Variants in NFYC observed in about 807,000 individuals in gnomAD.
NFYC encodes nuclear transcription factor Y subunit gamma, also known as CAAT box DNA-binding protein subunit C.
A neutral mutation model predicts 53.1 loss-of-function variants in NFYC; 25 were observed. The ratio of observed to expected loss-of-function variants is 0.47; its 90% confidence interval spans 0.34 to 0.66. The LOEUF (loss-of-function observed/expected upper bound fraction) is 0.66, where lower values mean the gene tolerates loss of function less well. NFYC is among the 30% of genes least tolerant of loss of function. The pLI, the probability that NFYC is intolerant of heterozygous loss-of-function variation, is 0.01. For missense variants in NFYC, 260 were observed against 422.7 expected (o/e 0.62, Z 3.38); for synonymous variants, 145 against 152.6 (o/e 0.95, Z 0.37).
In NFYC at chr1:40,748,624, G is replaced by A. The variant is rs1349660201; in HGVS notation, c.178-949G>A. On this transcript the variant is annotated intron_variant, in intron 3 of 9. Coordinates refer to ENST00000447388, the MANE Select transcript of NFYC (RefSeq NM_014223.5). ...TTTTACATGAATAATACTTGTGAGAGGGTTTGCGTGGGCTTGGCCATTTCT... is the reference window on the plus strand; with the variant it reads ...TTTTACATGAATAATACTTGTGAGAAGGTTTGCGTGGGCTTGGCCATTTCT... Among the ~76,000 whole-genome samples, 4 of 152,282 alleles carry A rather than the reference G, an allele frequency of 2.6e-5. No homozygotes were observed. The South Asian group carries it at 6.2e-4, about 24-fold the overall frequency.
intron 1 of NFYC, among the ~76,000 whole-genome samples, chr1:40,721,966 G>A (rs9438948): frequency 6.6e-6 from 1 of 152,048 alleles, no homozygotes; most frequent in African/African-American, 2.4e-5. Flanking sequence ...GTCAGGAGAT[G>A]GAGACCATCC....
At chr1:40,730,359 G>C (rs1644713637) in intron 1 of NFYC, among the ~76,000 whole-genome samples, 1 of 152,050 alleles carries the variant, frequency 6.6e-6, no homozygotes, top group South Asian at 2.1e-4. Flanking sequence ...TTAAGTGAAA[G>C]ATGTGAGACT....
At chr1:40,758,769 A>G (rs1300804164) in intron 6 of NFYC, among the ~76,000 whole-genome samples, 1 of 152,140 alleles carries the variant, frequency 6.6e-6, no homozygotes, top group Non-Finnish European at 1.5e-5. Context: ...TACGATAGTA[A>G]TCAGAGGACT....
rs755500543 is a variant in NFYC at position 40,762,872 on chromosome 1, T to C, written c.562-16T>C. Reference sequence around the variant, plus strand: ...AGCCTGAACTCACGCAGCATTCTCATAACTCTTCCTTTCAGACCACACCTG... The same window carrying C: ...AGCCTGAACTCACGCAGCATTCTCACAACTCTTCCTTTCAGACCACACCTG... On this transcript the variant is annotated splice_polypyrimidine_tract_variant and intron_variant, in intron 6 of 9. Coordinates refer to ENST00000447388, the MANE Select transcript of NFYC (RefSeq NM_014223.5). 3.7e-5 allele frequency: 58 copies of C among 1,566,734 alleles called. No individual in the cohort carries two copies. The highest frequency in any genetic ancestry group is 4.7e-5 in the Non-Finnish European group (54 of 1,152,574).
chr1:40,712,796 A>C (rs1248278349), intron 1 of NFYC: 1 of 150,248 alleles, frequency 6.7e-6, no homozygotes, highest in Non-Finnish European at 1.5e-5. Flanking sequence ...CTCCTACTTC[A>C]GCCTCCTGAG....
At chr1:40,743,829 T>C (rs1401784513) in intron 2 of NFYC, among the ~76,000 whole-genome samples, 1 of 152,196 alleles carries the variant, frequency 6.6e-6, no homozygotes, top group African/African-American at 2.4e-5. Context: ...ATTTAGTAGG[T>C]TAGGAACGGA....
chr1:40,751,397 A>G (rs1382411350), intron 4 of NFYC, among the ~76,000 whole-genome samples: 1 of 152,064 alleles, frequency 6.6e-6, no homozygotes, highest in African/African-American at 2.4e-5. Context: ...GCTAGAAGGA[A>G]CTTTCTATAT....
chr1:40,743,095 A>G (rs1370806082), intron 2 of NFYC, among the ~76,000 whole-genome samples: 3 of 152,254 alleles, frequency 2.0e-5, no homozygotes, highest in Non-Finnish European at 4.4e-5. Context: ...AGACTGGGAC[A>G]CAATTTGTTT....
At chr1:40,755,853 A>G (rs190583934) in intron 5 of NFYC, among the ~76,000 whole-genome samples, 1 of 152,248 alleles carries the variant, frequency 6.6e-6, no homozygotes, top group East Asian at 1.9e-4. Context: ...GCTTTTGGCA[A>G]GAGATATTTT....
rs182871347 is a variant in NFYC, at chr1:40,737,683, T to C, written c.-8-1153T>C. Among the ~76,000 whole-genome samples, 8 of 152,120 alleles carry C rather than the reference T, an allele frequency of 5.3e-5. No homozygotes were observed. The East Asian group carries it at 1.5e-3, about 29-fold the overall frequency. The stretch of plus-strand genomic sequence containing the variant: ...GCTTCCAGTTGCCAGTGTGCTGTGT[T>C]AGGCTTGTGTTTAATAACATGGTTA... On this transcript the variant is annotated intron_variant, in intron 1 of 9. Coordinates refer to ENST00000447388, the MANE Select transcript of NFYC (RefSeq NM_014223.5).
At chr1:40,748,191 G>A (rs1645719849) in intron 3 of NFYC, among the ~76,000 whole-genome samples, 2 of 152,022 alleles carry the variant, frequency 1.3e-5, no homozygotes, top group East Asian at 3.9e-4. Flanking sequence ...GAGGGCAATG[G>A]CATAATCACG....
chr1:40,733,825 C>T (rs570840165), intron 1 of NFYC, among the ~76,000 whole-genome samples: 2 of 152,164 alleles, frequency 1.3e-5, no homozygotes, highest in Non-Finnish European at 2.9e-5. Context: ...CTCACTGCAA[C>T]CTCCGCTTCC....
Position 40,758,377 on chromosome 1 carries a change from A to G in NFYC, c.561+83A>G, listed in dbSNP as rs1165432614. On this transcript the variant is annotated intron_variant, in intron 6 of 9. Transcript: ENST00000447388. ...TGGGCAGAGCTTGATGAGGGCAGAG[A>G]GGCAGCCAGATCATTATAGAGCACT... 7.9e-6 allele frequency: 11 copies of G among 1,400,774 alleles called. No individual in the cohort carries two copies. The East Asian group carries it at 2.7e-4, about 34-fold the overall frequency. 86.8% of individuals were successfully genotyped at this position (1,400,774 alleles called of 1,614,324 possible). A position where few individuals can be genotyped will look rare whatever the true frequency, so the allele number is the denominator to read the frequency against.
At chr1:40,697,320 A>G (rs2148405752) in intron 1 of NFYC, among the ~76,000 whole-genome samples, 1 of 152,344 alleles carries the variant, frequency 6.6e-6, no homozygotes, top group East Asian at 1.9e-4. Flanking sequence ...GCTCTGCAAT[A>G]TACAGTAAGA....
Position 40,712,013 on chromosome 1 carries a change from G to A in NFYC, c.-9+20146G>A, listed in dbSNP as rs16827508. Among the ~76,000 whole-genome samples the A allele has an allele frequency of 7.9e-3, 1,210 of 152,296 alleles. 15 individuals are homozygous for A. The highest frequency in any genetic ancestry group is 0.028 in the African/African-American group (1,164 of 41,540). ...GAACCTAAAAATAGTGTCTGATTTA[G>A]TGGCGAGTCTTGAATGAGATCATGT... On this transcript the variant is annotated intron_variant, in intron 1 of 9. Transcript: ENST00000447388.
intron 1 of NFYC, among the ~76,000 whole-genome samples, chr1:40,692,698 C>A (rs1488769582): frequency 6.6e-6 from 1 of 152,128 alleles, no homozygotes; most frequent in East Asian, 1.9e-4. Flanking sequence ...CCAGAGTCAA[C>A]GGACCTGGGA....
Position 40,726,398 on chromosome 1 carries a change from G to A in NFYC, c.-8-12438G>A, listed in dbSNP as rs568532646. On this transcript the variant is annotated intron_variant, in intron 1 of 9. Transcript: ENST00000447388. ...CTCCCAAAGTGCTGGGATTACAGGCGTGAGCCACCGCATCTGGCCTGTTTT... is the reference window on the plus strand; with the variant it reads ...CTCCCAAAGTGCTGGGATTACAGGCATGAGCCACCGCATCTGGCCTGTTTT... Among the ~76,000 whole-genome samples the A allele has an allele frequency of 5.3e-5, 8 of 151,604 alleles. No individual in the cohort carries two copies. In the South Asian group the frequency reaches 6.2e-4, roughly 12 times the overall value.
chr1:40,754,452 G>A (rs745805493), intron 5 of NFYC: 6 of 533,316 alleles, frequency 1.1e-5, no homozygotes, highest in Non-Finnish European at 1.5e-5. Flanking sequence ...TGCCACGGTC[G>A]TCCCCAGCTA....
intron 1 of NFYC, among the ~76,000 whole-genome samples, chr1:40,730,380 T>A (rs1644715017): frequency 6.6e-6 from 1 of 152,134 alleles, no homozygotes; most frequent in Non-Finnish European, 1.5e-5. Flanking sequence ...GTTCTTTTAC[T>A]TGAACGCTTA....
Sources: gnomAD v4.1 joint callset for allele counts (sites outside exome capture counted in the v4.1 genomes callset) on GRCh38, gnomAD v4.1.1 for gene constraint, MANE v1.5 for transcripts, NCBI Gene and HGNC (gene_info 2026-07-23, HGNC 2026-07-21) for gene names.